The following SLC5A10 variants were observed in gnomAD, a reference collection of about 807,000 sequenced individuals.
SLC5A10 encodes the protein sodium/mannose cotransporter SLC5A10.
Under a neutral mutation model 68.9 loss-of-function variants are expected in SLC5A10, and 55 were observed. The observed-to-expected ratio is 0.80, with a 90% confidence interval of 0.64 to 1.00. The LOEUF is 1.00. Ranked by LOEUF, SLC5A10 falls within the 50% of genes least tolerant of loss-of-function variation. SLC5A10 has a pLI of 0.00. For missense variants in SLC5A10, 732 were observed against 819.3 expected (o/e 0.89, Z 1.30); for synonymous variants, 344 against 344.8 (o/e 1.00, Z 0.02).
intron 1 of SLC5A10, among the ~76,000 whole-genome samples, chr17:18,957,068 G>A (rs1389811290): frequency 1.3e-5 from 2 of 152,110 alleles, no homozygotes; most frequent in Non-Finnish European, 2.9e-5. Flanking sequence ...AGAACCGCTC[G>A]AACCCGGGAG....
intron 9 of SLC5A10, among the ~76,000 whole-genome samples, chr17:18,990,272 G>A (rs1039430699): frequency 1.3e-5 from 2 of 152,182 alleles, no homozygotes; most frequent in Non-Finnish European, 2.9e-5. Context: ...TGATAGGGCA[G>A]AGAAGACACG....
Position 19,003,467 on chromosome 17 carries a change from G to A in SLC5A10, c.983-9943G>A. 9 of 1,495,960 alleles carry A rather than the reference G, an allele frequency of 6.0e-6. No individual in the cohort carries two copies. Among genetic ancestry groups the A allele is most frequent in the Non-Finnish European group, 8.0e-6 (9 of 1,122,530 alleles). 92.7% of individuals were successfully genotyped at this position (1,495,960 alleles called of 1,614,324 possible). ...GGCTCTGAGTGAGCCTGTATTGAGA[G>A]GGGTCCGGTGGCTGGTTGGGCCATG... is the stretch of plus-strand genomic sequence containing the variant. On this transcript the variant is annotated intron_variant, in intron 9 of 14. Transcript: ENST00000395645. This position sits in a 1 kb window ranked among gnomAD's most constrained non-coding sequence, Gnocchi z 4.5.
chr17:18,965,234 C>T (rs573886329), intron 5 of SLC5A10, among the ~76,000 whole-genome samples: 2 of 152,064 alleles, frequency 1.3e-5, no homozygotes, highest in South Asian at 2.1e-4. Flanking sequence ...GTTTTGGAGA[C>T]GGAATCCATA....
At chr17:18,991,721 C>T (rs1419024855) in intron 9 of SLC5A10, among the ~76,000 whole-genome samples, 3 of 152,326 alleles carry the variant, frequency 2.0e-5, no homozygotes, top group African/African-American at 4.8e-5. Flanking sequence ...TCAAAGCCGA[C>T]GGGCAGCTCC....
At position 18,977,006 on chromosome 17, in the gene SLC5A10, G is replaced by C; in HGVS notation, c.982+17G>C. ...TGTTCCCAGGTAGGACGGGCTCCGG[G>C]CACTGAACCCAGGCTGCAGGGCACC... is the stretch of plus-strand genomic sequence containing the variant. On this transcript the variant is annotated intron_variant, in intron 9 of 14. Coordinates refer to ENST00000395645, the MANE Select transcript of SLC5A10 (RefSeq NM_001042450.4). The C allele has an allele frequency of 6.2e-7, 1 of 1,610,100 alleles. No individual in the cohort carries two copies. The highest frequency in any genetic ancestry group is 8.5e-7 in the Non-Finnish European group (1 of 1,179,698).
intron 7 of SLC5A10, 137 bp from the exon 8 acceptor site, chr17:18,970,876 C>A: frequency 2.8e-6 from 2 of 722,378 alleles, no homozygotes; most frequent in South Asian, 1.7e-5. Context: ...CCTTTCCAAA[C>A]ACTGGGAAAG....
chr17:19,021,917 TC>T lies in SLC5A10; in HGVS notation c.*1488del. The T allele has an allele frequency of 1.4e-6, 2 of 1,456,226 alleles. No individual in the cohort carries two copies. The highest frequency in any genetic ancestry group is 1.8e-6 in the Non-Finnish European group (2 of 1,103,802). The allele number at this position is 1,456,226 out of a possible 1,614,324, so 90.2% of individuals were successfully genotyped here. Reference sequence around the variant, plus strand: ...GTCCATGTCCTCTCTGGACCTCAGTTCCTGTAAAAAGGCCCGTTGGCCAGAT... The same window carrying T: ...GTCCATGTCCTCTCTGGACCTCAGTTCTGTAAAAAGGCCCGTTGGCCAGAT... On this transcript the variant is annotated 3_prime_UTR_variant, in exon 15 of 15. Coordinates refer to ENST00000395645, the MANE Select transcript of SLC5A10 (RefSeq NM_001042450.4). This position sits in a 1 kb window ranked among gnomAD's most constrained non-coding sequence, Gnocchi z 4.1.
rs778257113 is a variant in SLC5A10 at position 18,971,397 on chromosome 17, G to A, written c.846+179G>A. ...CGGTCCCGGGGGGCTTGAGCCCTCC[G>A]TTTAGAATCCGATGAGGCCCACTGG... is the stretch of plus-strand genomic sequence containing the variant. On this transcript the variant is annotated intron_variant, in intron 8 of 14. Transcript: ENST00000395645. The surrounding 1 kb of genome is among the most constrained non-coding windows in gnomAD (Gnocchi z 5.5). The A allele has an allele frequency of 8.1e-6, 13 of 1,613,760 alleles. No individual in the cohort carries two copies. The highest frequency in any genetic ancestry group is 5.3e-5 in the African/African-American group (4 of 75,032).
At chr17:18,961,600 G>A (rs916971921) in intron 5 of SLC5A10, among the ~76,000 whole-genome samples, 1 of 152,216 alleles carries the variant, frequency 6.6e-6, no homozygotes, top group Admixed American at 6.5e-5. Flanking sequence ...ATTCAGTCCT[G>A]GGACTAGGAA....
At position 19,004,772 on chromosome 17, in the gene SLC5A10, G is replaced by C. The variant is rs1207600952; in HGVS notation, c.983-8638G>C. 1 of 150,228 alleles carries C rather than the reference G, an allele frequency of 6.7e-6. No individual in the cohort carries two copies. Among genetic ancestry groups the C allele is most frequent in the Non-Finnish European group, 1.5e-5 (1 of 67,250 alleles). 9.3% of individuals were successfully genotyped at this position (150,228 alleles called of 1,614,324 possible). A position where few individuals can be genotyped will look rare whatever the true frequency, so the allele number is the denominator to read the frequency against. On this transcript the variant is annotated intron_variant, in intron 9 of 14. Coordinates refer to ENST00000395645, the MANE Select transcript of SLC5A10 (RefSeq NM_001042450.4). The surrounding 1 kb of genome is among the most constrained non-coding windows in gnomAD (Gnocchi z 5.4). ...CTGCGGCGGCGGCGCGAGGCTGGGC[G>C]GGGGCGCGCCGGTGACTCAGGGCCG...
At position 19,013,439 on chromosome 17, in the gene SLC5A10, T is replaced by A; in HGVS notation, c.1012T>A (p.Cys338Ser). Residue 338 changes from cysteine (C) to serine (S), a missense_variant, in exon 10 of 15, where the codon TGC (cysteine) becomes AGC (serine). By Grantham distance (112) the Cys-to-Ser change is moderately radical. Transcript: ENST00000395645. ...TGTGGGCTGCGTGGTGCCGTCCGAG[T>A]GCCTGCGGGCCTGCGGGGCCGAGGT... is the stretch of plus-strand genomic sequence containing the variant. Reference protein sequence around the residue: ...DDVGCVVPSECLRACGAEVGC... With the variant: ...DDVGCVVPSESLRACGAEVGC... 6.2e-7 allele frequency: 1 copy of A among 1,605,848 alleles called. No homozygotes were observed. Among genetic ancestry groups the A allele is most frequent in the African/African-American group, 1.4e-5 (1 of 73,924 alleles).
At chr17:19,012,169 G>A (rs2044027959) in intron 9 of SLC5A10, among the ~76,000 whole-genome samples, 1 of 151,056 alleles carries the variant, frequency 6.6e-6, no homozygotes, top group African/African-American at 2.5e-5. Flanking sequence ...AAAAGAGAAT[G>A]TGGGTCAACT....
At chr17:18,987,660 T>C (rs1304452895) in intron 9 of SLC5A10, among the ~76,000 whole-genome samples, 1 of 152,214 alleles carries the variant, frequency 6.6e-6, no homozygotes, top group Non-Finnish European at 1.5e-5. Context: ...CCACTTCTGT[T>C]CCATGGTTTC....
At position 18,968,478 on chromosome 17, in the gene SLC5A10, A is replaced by C. The variant is rs1374940332; in HGVS notation, c.454-574A>C. 6.6e-6 allele frequency among the ~76,000 whole-genome samples: 1 copy of C among 152,112 alleles called. No homozygotes were observed. The highest frequency in any genetic ancestry group is 2.4e-5 in the African/African-American group (1 of 41,406). On this transcript the variant is annotated intron_variant, in intron 5 of 14. Transcript: ENST00000395645. This position sits in a 1 kb window ranked among gnomAD's most constrained non-coding sequence, Gnocchi z 4.1. ...AGGAGGAGCAGCCACAGGTTCTGGG[A>C]GGGCAGGGGCTGTGTCCAGTCAGTG...
In SLC5A10 at chr17:19,003,509, C is replaced by G; in HGVS notation, c.983-9901C>G. 6.6e-7 allele frequency: 1 copy of G among 1,520,706 alleles called. No homozygotes were observed. The highest frequency in any genetic ancestry group is 8.8e-7 in the Non-Finnish European group (1 of 1,133,308). The allele number at this position is 1,520,706 out of a possible 1,614,324, so 94.2% of individuals were successfully genotyped here. A position where few individuals can be genotyped will look rare whatever the true frequency, so the allele number is the denominator to read the frequency against. On this transcript the variant is annotated intron_variant, in intron 9 of 14. Transcript: ENST00000395645. The surrounding 1 kb of genome is among the most constrained non-coding windows in gnomAD (Gnocchi z 4.5). ...TGGGCCATGGCTCCAGGAGTCCCCG[C>G]GCTGCCTCACCTTCTGTGCCTGGCT...
chr17:18,975,401 C>T (rs1490287616), intron 8 of SLC5A10, among the ~76,000 whole-genome samples: 2 of 152,172 alleles, frequency 1.3e-5, no homozygotes, highest in East Asian at 1.9e-4. Context: ...GTTAAAATCA[C>T]GGAGGCAGCC....
intron 1 of SLC5A10, chr17:18,953,822 G>T (rs1239390081): frequency 1.3e-5 from 2 of 152,646 alleles, no homozygotes; most frequent in African/African-American, 2.4e-5. Context: ...TTTGGGTTGG[G>T]GATGTTCAAC....
chr17:18,965,991 G>A (rs563146648), intron 5 of SLC5A10, among the ~76,000 whole-genome samples: 2 of 152,326 alleles, frequency 1.3e-5, no homozygotes, highest in African/African-American at 4.8e-5. Flanking sequence ...CAGCACTGGG[G>A]GAGACCTGAA....
In SLC5A10 at chr17:19,015,449, C is replaced by A. The variant is rs560770664; in HGVS notation, c.1241+250C>A. 5.3e-5 allele frequency among the ~76,000 whole-genome samples: 8 copies of A among 152,180 alleles called. No homozygotes were observed. In the South Asian group the frequency reaches 1.7e-3, roughly 32 times the overall value. ...CTGGATTCCTTCTGCAGGGGCCAGC[C>A]CTCCCTCCCCAACCATGCCACAGAT... On this transcript the variant is annotated intron_variant, in intron 11 of 14. Transcript: ENST00000395645.
Sources: gnomAD v4.1 joint callset for allele counts (sites outside exome capture counted in the v4.1 genomes callset) on GRCh38, gnomAD v4.1.1 for gene constraint, Gnocchi (gnomAD v3.1) non-coding constraint, MANE v1.5 for transcripts, NCBI Gene and HGNC (gene_info 2026-07-23, HGNC 2026-07-21) for gene names.